The following SCHIP1 variants were observed in gnomAD, a reference collection of about 807,000 sequenced individuals.
SCHIP1 encodes schwannomin interacting protein 1.
In SCHIP1, 8 loss-of-function variants were observed where a neutral mutation model predicts 29.7. The observed-to-expected ratio is 0.27, with a 90% CI of 0.16 to 0.49. The LOEUF (loss-of-function observed/expected upper bound fraction) is 0.49, where lower values mean the gene tolerates loss of function less well. Among genes scored for constraint, SCHIP1 ranks in the 20% least tolerant of loss-of-function variants. The pLI is 0.99. For synonymous variants in SCHIP1, 76 were observed against 94.9 expected, an observed-to-expected ratio of 0.80 and a Z score of 1.16; for missense variants, 193 against 294.6, an observed-to-expected ratio of 0.66 and a Z score of 2.52.
chr3:159,334,680 G>A, the SCHIP1 span, among the ~76,000 whole-genome samples: 15 of 152,034 alleles, frequency 9.9e-5, no homozygotes, highest in African/African-American at 3.6e-4. Flanking sequence ...TTAAAATAAT[G>A]CTTTTGAGAG....
At chr3:159,330,701 A>G in the SCHIP1 span, among the ~76,000 whole-genome samples, 1 of 152,224 alleles carries the variant, frequency 6.6e-6, no homozygotes. Flanking sequence ...GTACAGCAGA[A>G]GAACTATAAA....
chr3:159,822,459 G>A, the SCHIP1 span, among the ~76,000 whole-genome samples: 1 of 151,800 alleles, frequency 6.6e-6, no homozygotes, highest in East Asian at 2.0e-4. Context: ...GGGGAGGCTT[G>A]AAGATGAAAT....
chr3:159,365,536 G>A, the SCHIP1 span, among the ~76,000 whole-genome samples: 2 of 152,176 alleles, frequency 1.3e-5, no homozygotes, highest in Admixed American at 1.3e-4. Flanking sequence ...TTGTCTGCCT[G>A]TTTAGTGCTA....
the SCHIP1 span, among the ~76,000 whole-genome samples, chr3:159,518,393 T>C: frequency 6.6e-6 from 1 of 152,174 alleles, no homozygotes; most frequent in African/African-American, 2.4e-5. Context: ...ACATAGGTTT[T>C]TATTTTATTA....
intron 5 of SCHIP1, among the ~76,000 whole-genome samples, chr3:159,891,349 C>T (rs778784855): frequency 1.1e-4 from 17 of 149,666 alleles, no homozygotes; most frequent in Non-Finnish European, 2.4e-4. Flanking sequence ...CCAGCCTGGG[C>T]GGCAGAGTGA....
At chr3:159,863,848 C>T (rs1714323955) in intron 1 of SCHIP1, among the ~76,000 whole-genome samples, 1 of 152,136 alleles carries the variant, frequency 6.6e-6, no homozygotes, top group Non-Finnish European at 1.5e-5. Flanking sequence ...TTTAAGGTCT[C>T]CTCCAATATC....
At chr3:159,455,800 AAAG>A in the SCHIP1 span, among the ~76,000 whole-genome samples, 2 of 152,192 alleles carry the variant, frequency 1.3e-5, no homozygotes, top group African/African-American at 2.4e-5. Flanking sequence ...AGAACAGCAC[AAAG>A]AAGAAGGTTT....
the SCHIP1 span, among the ~76,000 whole-genome samples, chr3:159,308,378 A>T: frequency 6.6e-6 from 1 of 152,224 alleles, no homozygotes; most frequent in African/African-American, 2.4e-5. Flanking sequence ...ACATGAACAG[A>T]CACTTCTCAA....
chr3:159,747,163 A>G, the SCHIP1 span, among the ~76,000 whole-genome samples: 6 of 152,336 alleles, frequency 3.9e-5, no homozygotes, highest in East Asian at 3.9e-4. Context: ...AAATGGATAA[A>G]TGAATACTAT....
the SCHIP1 span, among the ~76,000 whole-genome samples, chr3:159,520,095 A>AT: frequency 7.1e-6 from 1 of 140,430 alleles, no homozygotes; most frequent in African/African-American, 2.7e-5. Flanking sequence ...CCCTCATCAA[A>AT]TAAAAAAAAA....
the SCHIP1 span, among the ~76,000 whole-genome samples, chr3:159,290,593 G>A: frequency 5.9e-4 from 90 of 152,148 alleles, 1 homozygote; most frequent in South Asian, 0.011. Context: ...CTAATTGTTT[G>A]TGCCATAACC....
At chr3:159,686,575 A>G in the SCHIP1 span, among the ~76,000 whole-genome samples, 5 of 152,370 alleles carry the variant, frequency 3.3e-5, no homozygotes, top group East Asian at 9.6e-4. Context: ...AATGTTTATT[A>G]TATTGAAAGG....
the SCHIP1 span, chr3:159,765,315 C>A: frequency 2.8e-6 from 2 of 707,574 alleles, no homozygotes; most frequent in Non-Finnish European, 2.2e-6. Context: ...GTTGCTCGGT[C>A]TGTGAGCTGT....
chr3:159,348,738 A>G, the SCHIP1 span, among the ~76,000 whole-genome samples: 10 of 152,312 alleles, frequency 6.6e-5, no homozygotes, highest in African/African-American at 2.4e-4. Context: ...ATTATGAAAC[A>G]TAAACTCTTT....
chr3:159,691,309 T>C, the SCHIP1 span, among the ~76,000 whole-genome samples: 1 of 152,198 alleles, frequency 6.6e-6, no homozygotes, highest in Admixed American at 6.5e-5. Flanking sequence ...TAGTTAGCTC[T>C]TCTTGTTGCA....
chr3:159,733,806 T>G, the SCHIP1 span, among the ~76,000 whole-genome samples: 1 of 152,204 alleles, frequency 6.6e-6, no homozygotes, highest in East Asian at 1.9e-4. Context: ...TCTCTTCTCC[T>G]CCGACTTCTG....
At chr3:159,737,605 C>T in the SCHIP1 span, among the ~76,000 whole-genome samples, 117,799 of 152,160 alleles carry the variant, frequency 0.77, 45,845 homozygotes, top group Middle Eastern at 0.89. Flanking sequence ...GCTAAAGACA[C>T]ATGTTATTTC....
chr3:159,389,316 T>C, the SCHIP1 span, among the ~76,000 whole-genome samples: 1 of 152,068 alleles, frequency 6.6e-6, no homozygotes, highest in Non-Finnish European at 1.5e-5. Flanking sequence ...TTTCCAAACA[T>C]TACTAATCAT....
chr3:159,504,162 G>T, the SCHIP1 span, among the ~76,000 whole-genome samples: 3 of 152,146 alleles, frequency 2.0e-5, no homozygotes. Context: ...GATGATAGGA[G>T]CCCAAACACA....
Sources: allele counts gnomAD v4.1 joint callset (sites outside exome capture counted in the v4.1 genomes callset), GRCh38; gene constraint gnomAD v4.1.1; transcripts MANE v1.5; gene names NCBI Gene and HGNC (gene_info 2026-07-23, HGNC 2026-07-21).